The following RTN4RL1 variants were observed in gnomAD, a reference collection of about 807,000 sequenced individuals.
The protein encoded by RTN4RL1 is reticulon-4 receptor-like 1.
RTN4RL1 carries 7 observed loss-of-function variants against 25.6 expected under a neutral mutation model. The observed-to-expected ratio is 0.27, with a 90% CI of 0.16 to 0.51. RTN4RL1 has a LOEUF of 0.51. RTN4RL1 is among the 20% of genes least tolerant of loss of function. RTN4RL1 has a pLI of 0.97. For missense variants in RTN4RL1, 500 were observed against 615.6 expected, an observed-to-expected ratio of 0.81 and a Z score of 1.99; for synonymous variants, 297 against 288.2, an observed-to-expected ratio of 1.03 and a Z score of -0.31.
In RTN4RL1 at chr17:1,936,473, C is replaced by CT. The variant is rs1915305369; in HGVS notation, c.*22dup. 1.3e-6 allele frequency: 2 copies of CT among 1,524,222 alleles called. No individual in the cohort carries two copies. Among genetic ancestry groups the CT allele is most frequent in the African/African-American group, 2.8e-5 (2 of 72,174 alleles). The allele number at this position is 1,524,222 out of a possible 1,614,324, so 94.4% of individuals were successfully genotyped here. ...GTTCCTTGGTGGACATGTGGCAGTG[C>CT]TGGGTGCTGACGCCCTGGGTCCTCA... On this transcript the variant is annotated 3_prime_UTR_variant, in exon 2 of 2. Transcript: ENST00000331238.
chr17:2,012,276 G>A (rs146347896), intron 1 of RTN4RL1, among the ~76,000 whole-genome samples: 99 of 152,324 alleles, frequency 6.5e-4, no homozygotes, highest in Non-Finnish European at 1.1e-3. Flanking sequence ...CGCCTGCTCT[G>A]CTGGGCATCC....
chr17:1,968,961 C>T (rs1189291994), intron 1 of RTN4RL1, among the ~76,000 whole-genome samples: 1 of 152,064 alleles, frequency 6.6e-6, no homozygotes, highest in Non-Finnish European at 1.5e-5. Flanking sequence ...TCTGCAGCAA[C>T]CAGCCCAGGA....
At chr17:2,004,394 A>G (rs2066979776) in intron 1 of RTN4RL1, among the ~76,000 whole-genome samples, 2 of 149,602 alleles carry the variant, frequency 1.3e-5, no homozygotes, top group South Asian at 2.1e-4. Flanking sequence ...AAAAAAAAGC[A>G]AAAAACAAAA....
chr17:1,935,494 G>A lies in RTN4RL1; in HGVS notation c.*1002C>T, dbSNP rs942052214. On this transcript the variant is annotated 3_prime_UTR_variant, in exon 2 of 2. Coordinates refer to ENST00000331238, the MANE Select transcript of RTN4RL1 (RefSeq NM_178568.4). ...TCTTGCTGCCTCCCCCTTCCTCACC[G>A]TCCCGCCGACACCTTGCCCCAGGCC... 6.3e-5 allele frequency: 61 copies of A among 972,490 alleles called. No homozygotes were observed. Among genetic ancestry groups the A allele is most frequent in the Middle Eastern group, 1.1e-3 (2 of 1,886 alleles). 60.2% of individuals were successfully genotyped at this position (972,490 alleles called of 1,614,324 possible). A position where few individuals can be genotyped will look rare whatever the true frequency, so the allele number is the denominator to read the frequency against.
At chr17:1,963,846 C>T (rs1402121257) in intron 1 of RTN4RL1, among the ~76,000 whole-genome samples, 2 of 152,200 alleles carry the variant, frequency 1.3e-5, no homozygotes, top group African/African-American at 4.8e-5. Flanking sequence ...ATTCTCCTGC[C>T]TCAGGCTCCC....
Position 1,937,161 on chromosome 17 carries a change from G to A in RTN4RL1, c.661C>T (p.Arg221Cys), listed in dbSNP as rs1476172192. The A allele has an allele frequency of 1.9e-6, 3 of 1,612,360 alleles. No homozygotes were observed. Among genetic ancestry groups the A allele is most frequent in the East Asian group, 2.2e-5 (1 of 44,868 alleles). ...WVHHKAFHDLRRLTTLFLFNN... is the reference protein window; with the variant it reads ...WVHHKAFHDLCRLTTLFLFNN... ...AAGAGGAAGAGGGTGGTCAGCCTGC[G>A]GAGGTCGTGGAACGCCTTGTGGTGG... The change falls in exon 2 of 2, where the codon CGC becomes TGC. Residue 221 changes from arginine (R) to cysteine (C), a missense_variant. Physicochemically the swap from Arg to Cys is radical, Grantham distance 180. Around this residue, in one of 2 missense-constraint regions of RTN4RL1, gnomAD observed 232 missense variants for 341.1 expected, o/e 0.68. Coordinates refer to ENST00000331238, the MANE Select transcript of RTN4RL1 (RefSeq NM_178568.4).
intron 1 of RTN4RL1, chr17:2,020,258 A>C (rs972577469): frequency 2.6e-5 from 4 of 152,034 alleles, no homozygotes; most frequent in African/African-American, 9.7e-5. Flanking sequence ...TCTCCCCTCT[A>C]TACTTCCTCT....
chr17:1,997,847 C>T (rs1597233666), intron 1 of RTN4RL1, among the ~76,000 whole-genome samples: 1 of 152,162 alleles, frequency 6.6e-6, no homozygotes, highest in Non-Finnish European at 1.5e-5. Context: ...CCTGCATCCC[C>T]GCAGACCCCC....
At chr17:1,969,384 G>A (rs2066808066) in intron 1 of RTN4RL1, among the ~76,000 whole-genome samples, 1 of 152,022 alleles carries the variant, frequency 6.6e-6, no homozygotes, top group Non-Finnish European at 1.5e-5. Context: ...CAAACAATCC[G>A]AGAAGCCAAA....
At chr17:1,938,589 C>T (rs969977800) in intron 1 of RTN4RL1, among the ~76,000 whole-genome samples, 22 of 152,004 alleles carry the variant, frequency 1.4e-4, no homozygotes, top group Non-Finnish European at 2.8e-4. Flanking sequence ...TGAGCCACCG[C>T]GCCCGGCCAG....
intron 1 of RTN4RL1, among the ~76,000 whole-genome samples, chr17:1,946,888 G>A (rs180886210): frequency 2.9e-5 from 4 of 140,206 alleles, no homozygotes; most frequent in South Asian, 2.3e-4. Context: ...GTCTCTGTGT[G>A]TGCACGTGTG....
At chr17:1,988,363 T>C (rs1238290323) in intron 1 of RTN4RL1, among the ~76,000 whole-genome samples, 2 of 134,648 alleles carry the variant, frequency 1.5e-5, no homozygotes, top group South Asian at 2.3e-4. Context: ...CAAGATGGCG[T>C]CACTGCATTC....
chr17:1,953,001 C>T (rs898812157), intron 1 of RTN4RL1, among the ~76,000 whole-genome samples: 2 of 151,744 alleles, frequency 1.3e-5, no homozygotes, highest in Non-Finnish European at 2.9e-5. Context: ...TGCTTGAACC[C>T]AGGAGGCAGA....
intron 1 of RTN4RL1, among the ~76,000 whole-genome samples, chr17:1,974,761 CCTCACTCCCCTCT>C (rs1432423997): frequency 2.6e-5 from 4 of 152,146 alleles, no homozygotes; most frequent in Non-Finnish European, 5.9e-5. Context: ...TCACTCTCCT[CCTCACTCCCCTCT>C]CTCACTCTGC....
chr17:1,939,744 G>A (rs1034105507), intron 1 of RTN4RL1, among the ~76,000 whole-genome samples: 2 of 152,200 alleles, frequency 1.3e-5, no homozygotes, highest in African/African-American at 4.8e-5. Context: ...ACGGACGATC[G>A]TCATTACCTA....
chr17:2,024,729 A>C, intron 1 of RTN4RL1, 124 bp downstream of exon 1: 1 of 985,754 alleles, frequency 1.0e-6, no homozygotes, highest in Non-Finnish European at 1.5e-6. Flanking sequence ...TGCGCCCGGC[A>C]AAACCCACCA....
rs71723916 is a variant in RTN4RL1, at chr17:1,980,926, C to CAAAA, written c.14-43122_14-43119dup. Among the ~76,000 whole-genome samples, 218 of 87,044 alleles carry CAAAA rather than the reference C, an allele frequency of 2.5e-3. 3 individuals carry two copies. The highest frequency in any genetic ancestry group is 9.2e-3 in the African/African-American group (196 of 21,410). The allele number at this position is 87,044 out of a possible 152,430, so 57.1% of individuals were successfully genotyped here. ...TGGGCCACAGAGTGAGATTCTATCT[C>CAAAA]AAAAAAAAAAAAAAAAAAAAGAAGT... On this transcript the variant is annotated intron_variant, in intron 1 of 1. Coordinates refer to ENST00000331238, the MANE Select transcript of RTN4RL1 (RefSeq NM_178568.4).
At chr17:1,986,551 G>C (rs2084462379) in intron 1 of RTN4RL1, among the ~76,000 whole-genome samples, 1 of 152,168 alleles carries the variant, frequency 6.6e-6, no homozygotes, top group Non-Finnish European at 1.5e-5. Context: ...GGAGGAGACA[G>C]AGGGAAGCCA....
intron 1 of RTN4RL1, among the ~76,000 whole-genome samples, chr17:1,999,567 A>C (rs1015134303): frequency 4.6e-5 from 7 of 152,064 alleles, no homozygotes; most frequent in African/African-American, 1.4e-4. Flanking sequence ...CACCCTGTAC[A>C]TGTCGGTGTA....
Sources: gnomAD v4.1 joint callset for allele counts (sites outside exome capture counted in the v4.1 genomes callset) on GRCh38, gnomAD v4.1.1 for gene constraint, gnomAD v4.1.1 regional missense constraint, MANE v1.5 for transcripts, NCBI Gene and HGNC (gene_info 2026-07-23, HGNC 2026-07-21) for gene names.